ZNF385D: variants seen among roughly 807,000 people sequenced by gnomAD.
ZNF385D encodes the protein zinc finger protein 385D, also known as zinc finger protein 659.
In ZNF385D, 15 loss-of-function variants were observed where a neutral mutation model predicts 35.8. That is an observed-to-expected ratio of 0.42 (90% confidence interval 0.28 to 0.64). ZNF385D has a LOEUF of 0.64. Among genes scored for constraint, ZNF385D ranks in the 30% least tolerant of loss-of-function variants. ZNF385D has a pLI of 0.23. For synonymous variants in ZNF385D, 212 were observed against 186.8 expected, an observed-to-expected ratio of 1.13 and a Z score of -1.10; for missense variants, 474 against 494.6, an observed-to-expected ratio of 0.96 and a Z score of 0.39.
chr3:21,942,749 C>A (rs1252377116), intron 3 of ZNF385D: 1 of 152,152 alleles, frequency 6.6e-6, no homozygotes, highest in Non-Finnish European at 1.5e-5. Flanking sequence ...TCAGGGGAAA[C>A]AATTTAAAGA....
chr3:21,615,336 A>AT (rs1468672118), intron 2 of ZNF385D, among the ~76,000 whole-genome samples: 3 of 141,702 alleles, frequency 2.1e-5, no homozygotes, highest in African/African-American at 7.4e-5. Context: ...TCAGAAGCAG[A>AT]TGCTGGTGCC....
At chr3:21,732,401 T>C (rs944322978) in intron 1 of ZNF385D, among the ~76,000 whole-genome samples, 1 of 152,088 alleles carries the variant, frequency 6.6e-6, no homozygotes, top group Non-Finnish European at 1.5e-5. Context: ...TCAGGGTAAA[T>C]ACCAAGAAAG....
intron 1 of ZNF385D, among the ~76,000 whole-genome samples, chr3:21,711,203 G>C (rs1244940678): frequency 6.6e-6 from 1 of 151,508 alleles, no homozygotes; most frequent in Admixed American, 6.6e-5. Flanking sequence ...CATCACGCCC[G>C]GCTAATTTTT....
chr3:21,538,738 A>G (rs985039383), intron 3 of ZNF385D, among the ~76,000 whole-genome samples: 7 of 152,144 alleles, frequency 4.6e-5, no homozygotes, highest in African/African-American at 1.7e-4. Flanking sequence ...CTCCACAGGG[A>G]AAAAACTGTG....
Position 21,807,885 on chromosome 3 carries a change from C to G in ZNF385D, c.326-142857G>C, listed in dbSNP as rs1194749912. ...TAGTTGCTTACCCTAAATTCAAAGT[C>G]TGCATTATTTTTAGTATGTAAGCTA... On this transcript the variant is annotated intron_variant, in intron 3 of 5. Transcript: ENST00000494108. Among the ~76,000 whole-genome samples the G allele has an allele frequency of 5.9e-5, 9 of 152,126 alleles. No individual in the cohort carries two copies. The East Asian group carries it at 1.7e-3, about 29-fold the overall frequency.
intron 3 of ZNF385D, among the ~76,000 whole-genome samples, chr3:22,075,435 G>A (rs899283748): frequency 1.3e-5 from 2 of 151,800 alleles, no homozygotes; most frequent in African/African-American, 2.4e-5. Flanking sequence ...AGTTGTCAAT[G>A]AACTTCATAT....
At chr3:21,466,518 A>G (rs934226179) in intron 4 of ZNF385D, among the ~76,000 whole-genome samples, 2 of 152,118 alleles carry the variant, frequency 1.3e-5, no homozygotes, top group Admixed American at 1.3e-4. Flanking sequence ...CCTCCTGCAT[A>G]CTATTACTAA....
chr3:22,085,366 A>T (rs1037048397), intron 3 of ZNF385D, among the ~76,000 whole-genome samples: 2 of 152,218 alleles, frequency 1.3e-5, no homozygotes, highest in African/African-American at 4.8e-5. Context: ...AGAATCAAAT[A>T]GATGCAATAA....
At chr3:22,249,438 A>G (rs1306528401) in intron 2 of ZNF385D, among the ~76,000 whole-genome samples, 1 of 152,172 alleles carries the variant, frequency 6.6e-6, no homozygotes, top group East Asian at 1.9e-4. Context: ...TAAGCATTCA[A>G]CTAACATTTT....
chr3:21,826,597 G>A (rs996682729), intron 3 of ZNF385D, among the ~76,000 whole-genome samples: 1 of 152,090 alleles, frequency 6.6e-6, no homozygotes, highest in African/African-American at 2.4e-5. Flanking sequence ...CGTTCACACA[G>A]ACAGGAAAAG....
chr3:21,552,459 A>G (rs1284838592), intron 3 of ZNF385D, among the ~76,000 whole-genome samples: 1 of 152,118 alleles, frequency 6.6e-6, no homozygotes, highest in East Asian at 1.9e-4. Flanking sequence ...GAGAGTTTCT[A>G]CTCTTGTATT....
intron 3 of ZNF385D, among the ~76,000 whole-genome samples, chr3:22,135,654 T>C (rs1217857594): frequency 2.6e-5 from 4 of 152,112 alleles, no homozygotes; most frequent in Non-Finnish European, 5.9e-5. Context: ...GAAAAAGAAA[T>C]TAAGTAGCTA....
intron 3 of ZNF385D, among the ~76,000 whole-genome samples, chr3:22,138,757 G>T (rs1014064343): frequency 9.2e-5 from 14 of 152,054 alleles, no homozygotes; most frequent in African/African-American, 2.9e-4. Flanking sequence ...ATAGGCATGG[G>T]CAAGGACTTC....
At chr3:21,693,641 G>T (rs938185370) in intron 1 of ZNF385D, among the ~76,000 whole-genome samples, 1 of 152,058 alleles carries the variant, frequency 6.6e-6, no homozygotes, top group African/African-American at 2.4e-5. Flanking sequence ...AACCAAAAAA[G>T]TATATGTCCT....
intron 3 of ZNF385D, among the ~76,000 whole-genome samples, chr3:21,929,217 C>T (rs940242025): frequency 1.3e-4 from 19 of 151,948 alleles, no homozygotes; most frequent in Admixed American, 2.0e-4. Flanking sequence ...AAATAAAGAA[C>T]GAAAACCACA....
chr3:21,766,233 T>C (rs73822056), intron 3 of ZNF385D, among the ~76,000 whole-genome samples: 2,748 of 152,190 alleles, frequency 0.018, 93 homozygotes, highest in African/African-American at 0.063. Flanking sequence ...CCACTGATAA[T>C]TTGTGAAGAT....
At chr3:22,030,296 T>TATATATATATCCTATTTG (rs1559316676) in intron 3 of ZNF385D, among the ~76,000 whole-genome samples, 5 of 100,194 alleles carry the variant, frequency 5.0e-5, no homozygotes, top group African/African-American at 2.1e-4. Context: ...TATATATATA[T>TATATATATATCCTATTTG]ATATATCCTA....
chr3:21,724,005 CAAAGA>C (rs1413816985), intron 1 of ZNF385D, among the ~76,000 whole-genome samples: 4 of 152,078 alleles, frequency 2.6e-5, no homozygotes, highest in Non-Finnish European at 5.9e-5. Flanking sequence ...TCAACATTCT[CAAAGA>C]AAAGAATGTT....
At chr3:21,789,000 A>C (rs2071812721) in intron 3 of ZNF385D, among the ~76,000 whole-genome samples, 1 of 152,206 alleles carries the variant, frequency 6.6e-6, no homozygotes, top group African/African-American at 2.4e-5. Flanking sequence ...AGATGAGACC[A>C]TGTGCTATTG....
Sources: gnomAD v4.1 joint callset for allele counts (sites outside exome capture counted in the v4.1 genomes callset) on GRCh38, gnomAD v4.1.1 for gene constraint, MANE v1.5 for transcripts, NCBI Gene and HGNC (gene_info 2026-07-23, HGNC 2026-07-21) for gene names.